Variants in FEZ2 observed in about 807,000 individuals in gnomAD.
The protein encoded by FEZ2 is fasciculation and elongation protein zeta-2.
A neutral mutation model predicts 40.4 loss-of-function variants in FEZ2; 51 were observed. That is an observed-to-expected ratio of 1.26 (90% confidence interval 1.01 to 1.59). The LOEUF is 1.59. Among genes scored for constraint, FEZ2 ranks in the 40% most tolerant of loss-of-function variants. The pLI, the probability that FEZ2 is intolerant of heterozygous loss-of-function variation, is 0.00. For missense variants in FEZ2, 640 were observed against 438.3 expected, an observed-to-expected ratio of 1.46 and a Z score of -4.11; for synonymous variants, 242 against 172.0, an observed-to-expected ratio of 1.41 and a Z score of -3.18.
chr2:36,585,412 G>GA (rs1668873523), intron 2 of FEZ2, among the ~76,000 whole-genome samples: 1 of 152,170 alleles, frequency 6.6e-6, no homozygotes, highest in Admixed American at 6.5e-5. Flanking sequence ...ATAGTAAAGT[G>GA]AAAATCCCAG....
chr2:36,564,729 T>C (rs574564780), intron 5 of FEZ2, among the ~76,000 whole-genome samples: 2 of 152,032 alleles, frequency 1.3e-5, no homozygotes, highest in Non-Finnish European at 1.5e-5. Flanking sequence ...AGGGAGATCT[T>C]CTCAGAGAAC....
At chr2:36,581,173 T>C in intron 4 of FEZ2, 117 bp downstream of exon 4, 3 of 1,008,996 alleles carry the variant, frequency 3.0e-6, no homozygotes, top group South Asian at 1.7e-5. Flanking sequence ...AAATGTAAAT[T>C]TGGACACAAA....
chr2:36,553,813 C>A (rs577174078), intron 7 of FEZ2, among the ~76,000 whole-genome samples: 15 of 152,184 alleles, frequency 9.9e-5, no homozygotes, highest in East Asian at 1.9e-4. Context: ...CAACAACAAA[C>A]CACCCAAAAA....
chr2:36,593,362 T>C (rs1440048183), intron 1 of FEZ2, among the ~76,000 whole-genome samples: 1 of 152,080 alleles, frequency 6.6e-6, no homozygotes, highest in Non-Finnish European at 1.5e-5. Flanking sequence ...CAACCCCACA[T>C]TTCCCTTCCA....
At chr2:36,583,571 G>C (rs1668819650) in intron 2 of FEZ2, 102 bp from the exon 3 acceptor site, 1 of 672,774 alleles carries the variant, frequency 1.5e-6, no homozygotes, top group Non-Finnish European at 2.7e-6. Context: ...ACTACTAAGA[G>C]CCTTCCCTCA....
chr2:36,570,305 A>C (rs1271295330), intron 5 of FEZ2, among the ~76,000 whole-genome samples: 4 of 152,102 alleles, frequency 2.6e-5, no homozygotes, highest in African/African-American at 9.7e-5. Flanking sequence ...AATATTAAAC[A>C]ACTGTTATAT....
In FEZ2 at chr2:36,583,394, C is replaced by T. The variant is rs532362044; in HGVS notation, c.451G>A (p.Val151Ile). ...AGGGGTTCATCATTAACACAGGAGA[C>T]GATGATTGAGTGCATATCCAGCTGT... Reference protein sequence around the residue: ...REQLDMHSIIVSCVNDEPLFT... With the variant: ...REQLDMHSIIISCVNDEPLFT... The change falls in exon 3 of 8, where the codon GTC becomes ATC. Residue 151 changes from valine (V) to isoleucine (I), a missense_variant. By Grantham distance (29) the Val-to-Ile change is conservative. Coordinates refer to ENST00000405912, the MANE Select transcript of FEZ2 (RefSeq NM_005102.3). 17 of 1,605,890 alleles carry T rather than the reference C, an allele frequency of 1.1e-5. No individual in the cohort carries two copies. Among genetic ancestry groups the T allele is most frequent in the South Asian group, 3.3e-5 (3 of 90,932 alleles).
At chr2:36,587,947 AAT>A (rs1668950823) in intron 2 of FEZ2, among the ~76,000 whole-genome samples, 2 of 152,168 alleles carry the variant, frequency 1.3e-5, no homozygotes, top group South Asian at 4.1e-4. Context: ...TCATCACCAG[AAT>A]AGTCATGTCA....
chr2:36,554,011 C>A lies in FEZ2; in HGVS notation c.1046-832G>T, dbSNP rs1667891660. On this transcript the variant is annotated intron_variant, in intron 7 of 7. Transcript: ENST00000405912. ...TGGGTAAATACATCTCCACATTGCACTCCCGTCTTCATTTTCTCTGACTAC... is the reference window on the plus strand; with the variant it reads ...TGGGTAAATACATCTCCACATTGCAATCCCGTCTTCATTTTCTCTGACTAC... Among the ~76,000 whole-genome samples, 4 of 152,166 alleles carry A rather than the reference C, an allele frequency of 2.6e-5. No homozygotes were observed. The South Asian group carries it at 8.3e-4, about 32-fold the overall frequency.
At chr2:36,584,296 G>A (rs969264294) in intron 2 of FEZ2, among the ~76,000 whole-genome samples, 5 of 152,164 alleles carry the variant, frequency 3.3e-5, no homozygotes, top group Non-Finnish European at 5.9e-5. Context: ...ACAGTTTATG[G>A]TAATTTCTCC....
At chr2:36,576,629 A>G (rs1251142283) in intron 5 of FEZ2, among the ~76,000 whole-genome samples, 2 of 152,232 alleles carry the variant, frequency 1.3e-5, no homozygotes, top group African/African-American at 4.8e-5. Context: ...CCGTGCCATT[A>G]CTGAACTGAT....
rs150362693 is a variant in FEZ2 at position 36,552,855 on chromosome 2, G to A, written c.*308C>T. 595 of 321,424 alleles carry A rather than the reference G, an allele frequency of 1.9e-3. 4 individuals carry two copies. The highest frequency in any genetic ancestry group is 0.011 in the African/African-American group (532 of 46,384). 19.9% of individuals were successfully genotyped at this position (321,424 alleles called of 1,614,324 possible). A position where few individuals can be genotyped will look rare whatever the true frequency, so the allele number is the denominator to read the frequency against. ...AGATAAGAAAGCCATAAAAACAAAT[G>A]GGCATACTGTCAGTTAATGAGAAAT... is the stretch of plus-strand genomic sequence containing the variant. On this transcript the variant is annotated 3_prime_UTR_variant, in exon 8 of 8. Coordinates refer to ENST00000405912, the MANE Select transcript of FEZ2 (RefSeq NM_005102.3).
intron 6 of FEZ2, 71 bp from the exon 7 acceptor site, chr2:36,555,819 C>G: frequency 1.1e-6 from 1 of 882,232 alleles, no homozygotes; most frequent in Non-Finnish European, 1.7e-6. Flanking sequence ...TAATTTCAAT[C>G]ATTGTGGCCT....
intron 4 of FEZ2, among the ~76,000 whole-genome samples, chr2:36,580,706 T>A (rs1668711640): frequency 6.6e-6 from 1 of 152,232 alleles, no homozygotes; most frequent in South Asian, 2.1e-4. Flanking sequence ...GGGTTTCTTA[T>A]AGACTCAATT....
intron 4 of FEZ2, among the ~76,000 whole-genome samples, chr2:36,580,858 A>C (rs1221033806): frequency 6.6e-6 from 1 of 152,146 alleles, no homozygotes; most frequent in African/African-American, 2.4e-5. Context: ...TGTCCTTGTA[A>C]GAGGAAATTT....
chr2:36,574,818 C>A (rs868265673), intron 5 of FEZ2, among the ~76,000 whole-genome samples: 1 of 152,106 alleles, frequency 6.6e-6, no homozygotes, highest in African/African-American at 2.4e-5. Flanking sequence ...ACTCTCTAAC[C>A]CCCCATCCTC....
intron 2 of FEZ2, among the ~76,000 whole-genome samples, chr2:36,586,946 AATCT>A (rs1259314651): frequency 6.6e-6 from 1 of 152,232 alleles, no homozygotes; most frequent in Non-Finnish European, 1.5e-5. Flanking sequence ...ACACTCTCTC[AATCT>A]ATCAATCAAT....
At chr2:36,576,209 G>A (rs774576332) in intron 5 of FEZ2, among the ~76,000 whole-genome samples, 2 of 152,018 alleles carry the variant, frequency 1.3e-5, no homozygotes, top group Non-Finnish European at 2.9e-5. Context: ...ACTATTTTCA[G>A]AATCACCCTT....
intron 5 of FEZ2, among the ~76,000 whole-genome samples, chr2:36,561,805 C>A (rs1668099676): frequency 6.6e-6 from 1 of 152,168 alleles, no homozygotes; most frequent in African/African-American, 2.4e-5. Flanking sequence ...AATCAGTAAA[C>A]ACATTTGAGG....
Sources: gnomAD v4.1 joint callset for allele counts (sites outside exome capture counted in the v4.1 genomes callset) on GRCh38, gnomAD v4.1.1 for gene constraint, MANE v1.5 for transcripts, NCBI Gene and HGNC (gene_info 2026-07-23, HGNC 2026-07-21) for gene names.